SERPINB13: variants seen among roughly 807,000 people sequenced by gnomAD.
SERPINB13 encodes serpin family B member 13, also known as serpin B13.
In SERPINB13, 26 loss-of-function variants were observed where a neutral mutation model predicts 31.2. That is an observed-to-expected ratio of 0.83 (90% CI 0.61 to 1.15). SERPINB13 has a LOEUF of 1.15. SERPINB13 is among the 50% of genes most tolerant of loss of function. The pLI is 0.00. For missense variants in SERPINB13, 510 were observed against 469.4 expected (o/e 1.09, Z -0.80); for synonymous variants, 191 against 172.4 (o/e 1.11, Z -0.85).
At chr18:63,589,573 G>C in intron 2 of SERPINB13, 83 bp from the exon 3 acceptor site, 1 of 1,526,516 alleles carries the variant, frequency 6.6e-7, no homozygotes, top group Non-Finnish European at 8.8e-7. Flanking sequence ...GTTTCTTTCA[G>C]AAGCGTCCAC....
In SERPINB13 at chr18:63,594,589, C is replaced by T. The variant is rs1469889191; in HGVS notation, c.615+92C>T. On this transcript the variant is annotated intron_variant, in intron 6 of 7. Coordinates refer to ENST00000344731, the MANE Select transcript of SERPINB13 (RefSeq NM_012397.4). Reference sequence around the variant, plus strand: ...GGCGTGGTGGCTGACACCTGTAATCCCAGCACTTTGGGAGGCCAAGGTGGG... The same window carrying T: ...GGCGTGGTGGCTGACACCTGTAATCTCAGCACTTTGGGAGGCCAAGGTGGG... 1.0e-5 allele frequency: 15 copies of T among 1,439,920 alleles called. No individual in the cohort carries two copies. The Admixed American group carries it at 2.8e-4, about 27-fold the overall frequency. The allele number at this position is 1,439,920 out of a possible 1,614,324, so 89.2% of individuals were successfully genotyped here.
chr18:63,591,195 C>T (rs937666990), intron 3 of SERPINB13, among the ~76,000 whole-genome samples: 4 of 152,028 alleles, frequency 2.6e-5, no homozygotes, highest in East Asian at 1.9e-4. Flanking sequence ...ATTATTCCCA[C>T]GTATTTATTA....
At chr18:63,588,224 TG>T (rs1444147527) in intron 1 of SERPINB13, among the ~76,000 whole-genome samples, 2 of 152,110 alleles carry the variant, frequency 1.3e-5, no homozygotes, top group East Asian at 3.9e-4. Context: ...TTGAGGCCCG[TG>T]GAGATTCTTG....
chr18:63,594,339 G>A lies in SERPINB13; in HGVS notation c.473-16G>A. ...TTGGAAGATGGGTCAACCTTTTTCTGTTTCTTCATTTGCAGAAAAAATCAA... is the reference window on the plus strand; with the variant it reads ...TTGGAAGATGGGTCAACCTTTTTCTATTTCTTCATTTGCAGAAAAAATCAA... On this transcript the variant is annotated splice_polypyrimidine_tract_variant and intron_variant, in intron 5 of 7. Transcript: ENST00000344731. The A allele has an allele frequency of 6.2e-7, 1 of 1,613,148 alleles. No homozygotes were observed. Among genetic ancestry groups the A allele is most frequent in the Non-Finnish European group, 8.5e-7 (1 of 1,179,680 alleles).
chr18:63,589,740 G>A (rs746522074), intron 3 of SERPINB13, 25 bp downstream of exon 3: 1 of 1,614,022 alleles, frequency 6.2e-7, no homozygotes, highest in South Asian at 1.1e-5. Context: ...TGAAGGAAAA[G>A]AGGTGGGGAG....
intron 7 of SERPINB13, 97 bp downstream of exon 7, chr18:63,595,281 A>G: frequency 3.1e-6 from 4 of 1,272,582 alleles, no homozygotes; most frequent in Non-Finnish European, 4.4e-6. Flanking sequence ...TGTCAAATAG[A>G]AAGTGTTTCT....
In SERPINB13 at chr18:63,597,333, C is replaced by T; in HGVS notation, c.1146C>T (p.Ile382=). ...TCAGGCACAATGAATCCAACAGCAT[C>T]CTCTTCTTCGGCAGATTTTCTTCTC... is the stretch of plus-strand genomic sequence containing the variant. ...FFIRHNESNS[I]LFFGRFSSP is the part of the protein sequence containing the mutation. The change falls in exon 8 of 8, where the codon ATC becomes ATT. Residue 382 remains isoleucine, a synonymous_variant. Transcript: ENST00000344731. The T allele has an allele frequency of 6.2e-7, 1 of 1,613,422 alleles. No homozygotes were observed. The highest frequency in any genetic ancestry group is 8.5e-7 in the Non-Finnish European group (1 of 1,179,626).
intron 7 of SERPINB13, among the ~76,000 whole-genome samples, chr18:63,596,087 T>C (rs1912151365): frequency 6.6e-6 from 1 of 152,116 alleles, no homozygotes; most frequent in South Asian, 2.1e-4. Flanking sequence ...GAGGGCTCCA[T>C]GGTGGTTAAC....
In SERPINB13 at chr18:63,588,878, AT is replaced by A. The variant is rs776582357; in HGVS notation, c.165+49del. ...TTCCTTGTTTCCTATGCACAAATTC[AT>A]TTGGCGGGGGGGTTGTCAGCCCTCT... On this transcript the variant is annotated intron_variant, in intron 2 of 7. Coordinates refer to ENST00000344731, the MANE Select transcript of SERPINB13 (RefSeq NM_012397.4). The A allele has an allele frequency of 7.6e-5, 116 of 1,516,546 alleles. 1 individual carries two copies. In the South Asian group the frequency reaches 1.1e-3, roughly 15 times the overall value. The allele number at this position is 1,516,546 out of a possible 1,614,324, so 93.9% of individuals were successfully genotyped here.
At chr18:63,587,536 G>T (rs1911584386) in intron 1 of SERPINB13, 86 bp downstream of exon 1, 1 of 444,828 alleles carries the variant, frequency 2.2e-6, no homozygotes, top group Non-Finnish European at 4.6e-6. Flanking sequence ...CTTTTATTTT[G>T]CATAGACTTT....
chr18:63,597,144 G>A lies in SERPINB13; in HGVS notation c.957G>A (p.Met319Ile). ...AGCACAAAGCCGACTACTCGGGAAT[G>A]TCGTCAGGCTCCGGGTTGTACGCCC... The part of the protein sequence containing the change: ...FSEHKADYSG[M>I]SSGSGLYAQK... The change falls in exon 8 of 8, where the codon ATG becomes ATA. Residue 319 changes from methionine (M) to isoleucine (I), a missense_variant. Transcript: ENST00000344731. 1 of 1,614,224 alleles carries A rather than the reference G, an allele frequency of 6.2e-7. No individual in the cohort carries two copies. Among genetic ancestry groups the A allele is most frequent in the South Asian group, 1.1e-5 (1 of 91,088 alleles).
At position 63,592,435 on chromosome 18, in the gene SERPINB13, A is replaced by G. The variant is rs1287230571; in HGVS notation, c.313A>G (p.Thr105Ala). 3.7e-6 allele frequency: 6 copies of G among 1,613,604 alleles called. No homozygotes were observed. Among genetic ancestry groups the G allele is most frequent in the Non-Finnish European group, 5.1e-6 (6 of 1,179,770 alleles). Reference sequence around the variant, plus strand: ...CACTAATGATTATGAACTGAACATAACCAACAGGCTGTTTGGAGAAAAAAC... The same window carrying G: ...CACTAATGATTATGAACTGAACATAGCCAACAGGCTGTTTGGAGAAAAAAC... ...KLTNDYELNI[T>A]NRLFGEKTYL... The change falls in exon 4 of 8, where the codon ACC becomes GCC. Residue 105 changes from threonine to alanine, a missense_variant. Coordinates refer to ENST00000344731, the MANE Select transcript of SERPINB13 (RefSeq NM_012397.4).
At chr18:63,592,254 G>C (rs780908933) in intron 3 of SERPINB13, 94 bp from the exon 4 acceptor site, 218 of 1,409,976 alleles carry the variant, frequency 1.5e-4, no homozygotes, top group Non-Finnish European at 2.0e-4. Flanking sequence ...GCTGACAAAC[G>C]GAGGGAGAGA....
At chr18:63,587,975 A>G (rs1024064251) in intron 1 of SERPINB13, among the ~76,000 whole-genome samples, 1 of 152,252 alleles carries the variant, frequency 6.6e-6, no homozygotes, top group Non-Finnish European at 1.5e-5. Context: ...AAAAGTATAA[A>G]AAAGAAAACC....
At position 63,598,420 on chromosome 18, in the gene SERPINB13, G is replaced by T. The variant is rs1912313798; in HGVS notation, c.*1057G>T. On this transcript the variant is annotated 3_prime_UTR_variant, in exon 8 of 8. Coordinates refer to ENST00000344731, the MANE Select transcript of SERPINB13 (RefSeq NM_012397.4). The stretch of plus-strand genomic sequence containing the variant: ...CCATGACCCTAAGAAGTTTCCTCAT[G>T]TCTATTAATATTCCCAATCCTAGGC... 1 of 152,046 alleles carries T rather than the reference G, an allele frequency of 6.6e-6. No homozygotes were observed. Among genetic ancestry groups the T allele is most frequent in the Non-Finnish European group, 1.5e-5 (1 of 67,988 alleles). 9.4% of individuals were successfully genotyped at this position (152,046 alleles called of 1,614,324 possible).
At chr18:63,588,881 TGGCGG>T in intron 2 of SERPINB13, 49 bp downstream of exon 2, 1 of 1,506,094 alleles carries the variant, frequency 6.6e-7, no homozygotes. Context: ...CAAATTCATT[TGGCGG>T]GGGGGTTGTC....
intron 5 of SERPINB13, chr18:63,594,045 G>A (rs1352596361): frequency 4.2e-6 from 3 of 707,074 alleles, no homozygotes; most frequent in Admixed American, 4.6e-5. Context: ...CTGAGGCACA[G>A]AGAGTTTAAA....
In SERPINB13 at chr18:63,594,458, G is replaced by C; in HGVS notation, c.576G>C (p.Lys192Asn). The change falls in exon 6 of 8, where the codon AAG (lysine) becomes AAC (asparagine). Residue 192 changes from lysine (K) to asparagine (N), a missense_variant. Coordinates refer to ENST00000344731, the MANE Select transcript of SERPINB13 (RefSeq NM_012397.4). Reference sequence around the variant, plus strand: ...AAGGGCAATGGGACAGGGAGTTTAAGAAAGAAAATACTAAGGAAGAGAAAT... The same window carrying C: ...AAGGGCAATGGGACAGGGAGTTTAACAAAGAAAATACTAAGGAAGAGAAAT... ...YFKGQWDREF[K>N]KENTKEEKFW... 1 of 1,614,146 alleles carries C rather than the reference G, an allele frequency of 6.2e-7. No individual in the cohort carries two copies. The highest frequency in any genetic ancestry group is 1.1e-5 in the South Asian group (1 of 91,090).
In SERPINB13 at chr18:63,592,898, A is replaced by G; in HGVS notation, c.399A>G (p.Glu133=). Residue 133 remains glutamate, a synonymous_variant, in exon 5 of 8, where the codon GAA becomes GAG. Transcript: ENST00000344731. ...AAAAATATTATCATGCATCTCTGGAACCTGTTGATTTTGTAAATGCAGCCG... is the reference window on the plus strand; with the variant it reads ...AAAAATATTATCATGCATCTCTGGAGCCTGTTGATTTTGTAAATGCAGCCG... ...YVEKYYHASL[E]PVDFVNAADE... 1 of 1,612,726 alleles carries G rather than the reference A, an allele frequency of 6.2e-7. No homozygotes were observed. Among genetic ancestry groups the G allele is most frequent in the Non-Finnish European group, 8.5e-7 (1 of 1,179,216 alleles).
Sources: gnomAD v4.1 joint callset for allele counts (sites outside exome capture counted in the v4.1 genomes callset) on GRCh38, gnomAD v4.1.1 for gene constraint, MANE v1.5 for transcripts, NCBI Gene and HGNC (gene_info 2026-07-23, HGNC 2026-07-21) for gene names.